The following FHL5 variants were observed in gnomAD, a reference collection of about 807,000 sequenced individuals.
FHL5 encodes the protein four and a half LIM domains protein 5.
Under a neutral mutation model 32.0 loss-of-function variants are expected in FHL5, and 33 were observed. That is an observed-to-expected ratio of 1.03 (90% CI 0.78 to 1.38). The LOEUF (loss-of-function observed/expected upper bound fraction) is 1.38, where lower values mean the gene tolerates loss of function less well. FHL5 is among the 40% of genes most tolerant of loss of function. The pLI is 0.00. For missense variants in FHL5, 336 were observed against 343.9 expected, an observed-to-expected ratio of 0.98 and a Z score of 0.18; for synonymous variants, 114 against 113.6, an observed-to-expected ratio of 1.00 and a Z score of -0.02.
At chr6:96,606,541 A>G (rs1582479113) in intron 4 of FHL5, among the ~76,000 whole-genome samples, 2 of 151,918 alleles carry the variant, frequency 1.3e-5, no homozygotes, top group East Asian at 3.9e-4. Flanking sequence ...TAGTAGAGAC[A>G]GGGTTTCACC....
intron 1 of FHL5, among the ~76,000 whole-genome samples, chr6:96,564,893 G>A (rs903320276): frequency 2.0e-5 from 3 of 152,078 alleles, no homozygotes; most frequent in African/African-American, 7.2e-5. Context: ...AGGAAGAGAA[G>A]AAAGAGGTAG....
intron 4 of FHL5, among the ~76,000 whole-genome samples, chr6:96,608,422 T>C (rs1771330211): frequency 6.6e-6 from 1 of 152,218 alleles, no homozygotes; most frequent in African/African-American, 2.4e-5. Flanking sequence ...AAAAGCTAGA[T>C]TTGTTTTTGA....
At chr6:96,589,334 G>A (rs1770867660) in intron 1 of FHL5, among the ~76,000 whole-genome samples, 1 of 151,970 alleles carries the variant, frequency 6.6e-6, no homozygotes, top group South Asian at 2.1e-4. Flanking sequence ...CATTGCTTTT[G>A]AATATTGTAT....
chr6:96,564,447 T>A (rs1243336829), intron 1 of FHL5, among the ~76,000 whole-genome samples: 1 of 152,206 alleles, frequency 6.6e-6, no homozygotes, highest in Admixed American at 6.5e-5. Flanking sequence ...TATTATTAGT[T>A]GCCAAATCTG....
intron 1 of FHL5, among the ~76,000 whole-genome samples, chr6:96,580,098 A>C (rs1770668092): frequency 6.6e-6 from 1 of 152,224 alleles, no homozygotes; most frequent in South Asian, 2.1e-4. Context: ...CCTGTAAATC[A>C]AAGAAAGGAT....
chr6:96,562,838 T>C (rs1259716057), upstream of FHL5: 1 of 152,092 alleles, frequency 6.6e-6, no homozygotes, highest in African/African-American at 2.4e-5. Context: ...AGGGTTCTGA[T>C]CACCACCAGA....
At chr6:96,584,939 G>A (rs1354136095) in intron 1 of FHL5, among the ~76,000 whole-genome samples, 1 of 152,008 alleles carries the variant, frequency 6.6e-6, no homozygotes, top group Non-Finnish European at 1.5e-5. Context: ...TGCCTTAGGA[G>A]ACTAGGTGTA....
intron 3 of FHL5, among the ~76,000 whole-genome samples, chr6:96,605,125 TG>T (rs1771245685): frequency 6.6e-6 from 1 of 152,268 alleles, no homozygotes; most frequent in African/African-American, 2.4e-5. Context: ...TACAGTGTTC[TG>T]TGTATTTTCA....
At chr6:96,593,169 A>G (rs1770958076) in intron 1 of FHL5, among the ~76,000 whole-genome samples, 1 of 152,012 alleles carries the variant, frequency 6.6e-6, no homozygotes, top group Non-Finnish European at 1.5e-5. Flanking sequence ...CTGTACTATA[A>G]TTTACATTTC....
intron 1 of FHL5, among the ~76,000 whole-genome samples, chr6:96,565,293 T>G (rs1398818116): frequency 2.0e-5 from 3 of 152,178 alleles, no homozygotes; most frequent in Admixed American, 2.0e-4. Flanking sequence ...AGAGTCTCTT[T>G]GAAAACAATA....
chr6:96,592,086 A>G (rs1770931620), intron 1 of FHL5, among the ~76,000 whole-genome samples: 1 of 152,152 alleles, frequency 6.6e-6, no homozygotes, highest in African/African-American at 2.4e-5. Context: ...ACTGTCATTG[A>G]TAACATCTTA....
At chr6:96,583,431 C>T (rs1770733413) in intron 1 of FHL5, among the ~76,000 whole-genome samples, 1 of 152,078 alleles carries the variant, frequency 6.6e-6, no homozygotes, top group Admixed American at 6.6e-5. Context: ...TTCAGCCACT[C>T]ATTGCACCAA....
chr6:96,610,600 G>T lies in FHL5; in HGVS notation c.533G>T (p.Cys178Phe), dbSNP rs2127975099. The change falls in exon 5 of 6, where the codon TGT becomes TTT. Residue 178 changes from cysteine (C) to phenylalanine (F), a missense_variant. By Grantham distance (205) the Cys-to-Phe change is radical (BLOSUM62 -2). Transcript: ENST00000450218. ...KVITSGGITFCDQLWHKECFL... is the reference protein window; with the variant it reads ...KVITSGGITFFDQLWHKECFL... ...ATAACTTCAGGTGGGATAACATTTTGTGACCAGCTATGGCATAAAGAGTGT... is the reference window on the plus strand; with the variant it reads ...ATAACTTCAGGTGGGATAACATTTTTTGACCAGCTATGGCATAAAGAGTGT... 1.9e-6 allele frequency: 3 copies of T among 1,613,854 alleles called. No homozygotes were observed. The highest frequency in any genetic ancestry group is 2.2e-5 in the East Asian group (1 of 44,874).
intron 1 of FHL5, among the ~76,000 whole-genome samples, chr6:96,586,004 A>G (rs1770789897): frequency 6.6e-6 from 1 of 152,226 alleles, no homozygotes; most frequent in African/African-American, 2.4e-5. Flanking sequence ...GAGAACGGGA[A>G]GAGAAACGAG....
chr6:96,573,729 G>A (rs1017856161), intron 1 of FHL5, among the ~76,000 whole-genome samples: 17 of 151,740 alleles, frequency 1.1e-4, no homozygotes, highest in African/African-American at 3.9e-4. Context: ...CACCATGTTA[G>A]CCAAGTTGGT....
intron 1 of FHL5, among the ~76,000 whole-genome samples, chr6:96,581,988 C>G (rs1240016843): frequency 6.6e-6 from 1 of 152,084 alleles, no homozygotes; most frequent in Non-Finnish European, 1.5e-5. Context: ...TGTGCTGAGC[C>G]TATGCTGAAT....
chr6:96,566,010 T>A (rs1770349895), intron 1 of FHL5, among the ~76,000 whole-genome samples: 1 of 152,056 alleles, frequency 6.6e-6, no homozygotes, highest in African/African-American at 2.4e-5. Context: ...TGGGAACATT[T>A]ACAATCCACT....
At chr6:96,606,940 T>C (rs73492783) in intron 4 of FHL5, among the ~76,000 whole-genome samples, 6,677 of 152,128 alleles carry the variant, frequency 0.044, 377 homozygotes, top group African/African-American at 0.13. Context: ...GGAAGTTCAG[T>C]AGACAAAAGA....
chr6:96,611,005 T>C (rs1771395439), intron 5 of FHL5, among the ~76,000 whole-genome samples: 1 of 152,208 alleles, frequency 6.6e-6, no homozygotes, highest in Admixed American at 6.5e-5. Context: ...CTAATGGTAC[T>C]GACTCTAACA....
Sources: allele counts gnomAD v4.1 joint callset (sites outside exome capture counted in the v4.1 genomes callset), GRCh38; gene constraint gnomAD v4.1.1; transcripts MANE v1.5; gene names NCBI Gene and HGNC (gene_info 2026-07-23, HGNC 2026-07-21).